Variants in NPAS3 observed in about 807,000 individuals in gnomAD.
The protein encoded by NPAS3 is neuronal PAS domain protein 3.
A neutral mutation model predicts 73.1 loss-of-function variants in NPAS3; 14 were observed. That is an observed-to-expected ratio of 0.19 (90% CI 0.13 to 0.30). The LOEUF (loss-of-function observed/expected upper bound fraction) is 0.30. Ranked by LOEUF, NPAS3 falls within the 10% of genes least tolerant of loss-of-function variation. NPAS3 has a pLI of 1.00. For synonymous variants in NPAS3, 620 were observed against 541.5 expected (o/e 1.14, Z -2.01); for missense variants, 1,096 against 1,250.0 (o/e 0.88, Z 1.86).
intron 6 of NPAS3, among the ~76,000 whole-genome samples, chr14:33,708,241 C>T (rs1019309619): frequency 6.6e-6 from 1 of 152,056 alleles, no homozygotes. Flanking sequence ...CGGAAGAAAC[C>T]GCACAGTGAT....
chr14:33,045,671 G>A (rs984051299), intron 1 of NPAS3, among the ~76,000 whole-genome samples: 2 of 152,142 alleles, frequency 1.3e-5, no homozygotes, highest in Non-Finnish European at 2.9e-5. Context: ...AGAGGGCTGC[G>A]AAGACTTTTA....
At chr14:33,728,547 T>C (rs1286674949) in intron 6 of NPAS3, among the ~76,000 whole-genome samples, 1 of 152,156 alleles carries the variant, frequency 6.6e-6, no homozygotes, top group Non-Finnish European at 1.5e-5. Context: ...AGCCAAAGTA[T>C]AGTGGCTGCA....
chr14:33,731,476 C>T (rs2061400921), intron 6 of NPAS3, among the ~76,000 whole-genome samples: 1 of 150,808 alleles, frequency 6.6e-6, no homozygotes, highest in African/African-American at 2.4e-5. Context: ...TTTTTAAAGG[C>T]ATTGGCTTCA....
intron 3 of NPAS3, among the ~76,000 whole-genome samples, chr14:33,233,839 A>T (rs2047937780): frequency 6.6e-6 from 1 of 152,130 alleles, no homozygotes; most frequent in South Asian, 2.1e-4. Flanking sequence ...GCATTTAAGC[A>T]TATTAACTCT....
chr14:33,219,653 A>C (rs1303933679), intron 3 of NPAS3, among the ~76,000 whole-genome samples: 6 of 152,176 alleles, frequency 3.9e-5, no homozygotes, highest in Non-Finnish European at 7.3e-5. Context: ...AGAGACTTGC[A>C]GGCTTGTATT....
intron 2 of NPAS3, among the ~76,000 whole-genome samples, chr14:33,079,446 G>A (rs1355728942): frequency 6.6e-6 from 1 of 150,698 alleles, no homozygotes; most frequent in South Asian, 2.1e-4. Context: ...AGCCTCCCGA[G>A]TAGCTGGGAT....
intron 2 of NPAS3, among the ~76,000 whole-genome samples, chr14:33,184,897 T>C (rs1047944882): frequency 6.6e-6 from 1 of 152,172 alleles, no homozygotes; most frequent in African/African-American, 2.4e-5. Context: ...GGAAGGCCAA[T>C]AGGCAGCCTG....
intron 4 of NPAS3, among the ~76,000 whole-genome samples, chr14:33,397,783 C>T (rs1291590983): frequency 2.6e-5 from 4 of 152,136 alleles, no homozygotes; most frequent in Admixed American, 6.6e-5. Flanking sequence ...CCTCCAGCCA[C>T]AGCTCATGCT....
chr14:33,394,352 C>T (rs941942053), intron 4 of NPAS3, among the ~76,000 whole-genome samples: 10 of 152,116 alleles, frequency 6.6e-5, no homozygotes, highest in African/African-American at 1.7e-4. Context: ...TAAAGGGGCA[C>T]GGTATATATT....
chr14:33,378,669 T>G (rs1298183536), intron 4 of NPAS3, among the ~76,000 whole-genome samples: 4 of 152,024 alleles, frequency 2.6e-5, no homozygotes, highest in Non-Finnish European at 5.9e-5. Context: ...ATAAATTTGG[T>G]GTTTATGTGG....
chr14:32,978,353 T>G (rs2037771598), intron 1 of NPAS3, among the ~76,000 whole-genome samples: 1 of 152,046 alleles, frequency 6.6e-6, no homozygotes, highest in South Asian at 2.1e-4. Context: ...CAAACACAAC[T>G]GGGAGAAGGG....
At chr14:33,747,928 C>G (rs1410302772) in intron 7 of NPAS3, among the ~76,000 whole-genome samples, 1 of 152,200 alleles carries the variant, frequency 6.6e-6, no homozygotes, top group African/African-American at 2.4e-5. Flanking sequence ...AGTGTTCCTT[C>G]TGCACCCCAT....
intron 1 of NPAS3, among the ~76,000 whole-genome samples, chr14:32,970,141 A>G (rs550688025): frequency 5.3e-5 from 8 of 152,360 alleles, no homozygotes; most frequent in African/African-American, 1.9e-4. Context: ...GGATAAAAGG[A>G]ATCAAATGTA....
intron 3 of NPAS3, among the ~76,000 whole-genome samples, chr14:33,365,871 C>G (rs1351497014): frequency 5.9e-5 from 9 of 152,176 alleles, no homozygotes; most frequent in Non-Finnish European, 8.8e-5. Flanking sequence ...AACAGAATTA[C>G]CCCAGCAGCA....
At chr14:33,041,983 G>A (rs1462320338) in intron 1 of NPAS3, among the ~76,000 whole-genome samples, 1 of 152,088 alleles carries the variant, frequency 6.6e-6, no homozygotes, top group Non-Finnish European at 1.5e-5. Context: ...AAGGAACTCA[G>A]ATAAGACAAA....
intron 6 of NPAS3, among the ~76,000 whole-genome samples, chr14:33,682,656 C>T (rs927323611): frequency 1.4e-4 from 21 of 152,296 alleles, no homozygotes; most frequent in African/African-American, 4.3e-4. Context: ...AAACAAGATC[C>T]CCTGGAACTG....
chr14:33,564,460 A>G lies in NPAS3; in HGVS notation c.558+4250A>G, dbSNP rs142816324. Among the ~76,000 whole-genome samples the G allele has an allele frequency of 2.0e-3, 304 of 152,304 alleles. 1 individual carries two copies. Among genetic ancestry groups the G allele is most frequent in the African/African-American group, 6.8e-3 (284 of 41,570 alleles). ...GCAAACACAAAGACCCAAATTACAA[A>G]TCTCATAAGCAGGCAGAAGCCCATT... On this transcript the variant is annotated intron_variant, in intron 5 of 11. Transcript: ENST00000356141.
chr14:33,467,871 T>C (rs559202760), intron 4 of NPAS3, among the ~76,000 whole-genome samples: 10 of 152,176 alleles, frequency 6.6e-5, no homozygotes, highest in African/African-American at 2.4e-4. Flanking sequence ...CAAGAGATGG[T>C]GTGATAAATC....
At position 32,999,339 on chromosome 14, in the gene NPAS3, A is replaced by G. The variant is rs375270271; in HGVS notation, c.51-56566A>G. On this transcript the variant is annotated intron_variant, in intron 1 of 11. Coordinates refer to ENST00000356141, the Ensembl canonical transcript of NPAS3. The stretch of plus-strand genomic sequence containing the variant: ...ATCCTGGCTAACACGGTGAAACCCC[A>G]TCTCTACTAAAAATACAAAAAATTG... Among the ~76,000 whole-genome samples the G allele has an allele frequency of 3.8e-4, 58 of 152,150 alleles. 2 individuals are homozygous for G. The highest frequency in any genetic ancestry group is 2.1e-3 in the East Asian group (11 of 5,160).
Sources: allele counts gnomAD v4.1 joint callset (sites outside exome capture counted in the v4.1 genomes callset), GRCh38; gene constraint gnomAD v4.1.1; transcripts MANE v1.5; gene names NCBI Gene and HGNC (gene_info 2026-07-23, HGNC 2026-07-21).